Variants in MLLT10 observed in about 807,000 individuals in gnomAD.
MLLT10 encodes the protein protein AF-10.
In MLLT10, 30 loss-of-function variants were observed where a neutral mutation model predicts 129.1. That is an observed-to-expected ratio of 0.23 (90% CI 0.17 to 0.32). The LOEUF is 0.32. Among genes scored for constraint, MLLT10 ranks in the 10% least tolerant of loss-of-function variants. The probability of loss-of-function intolerance (pLI) is 1.00; values close to 1 mark genes in which losing one functional copy is unlikely to be tolerated. For synonymous variants in MLLT10, 490 were observed against 446.4 expected (o/e 1.10, Z -1.23); for missense variants, 1,119 against 1,268.3 (o/e 0.88, Z 1.79).
At chr10:21,717,653 T>C (rs1313208759) in intron 14 of MLLT10, among the ~76,000 whole-genome samples, 62 of 56,096 alleles carry the variant, frequency 1.1e-3, no homozygotes, top group Admixed American at 1.6e-3. Context: ...CCTCCTCCTC[T>C]TCCTCCTCCT....
chr10:21,619,063 C>CACACAG (rs1482038692), intron 8 of MLLT10, among the ~76,000 whole-genome samples: 1 of 150,196 alleles, frequency 6.7e-6, no homozygotes, highest in Non-Finnish European at 1.5e-5. Context: ...CACACACACA[C>CACACAG]ACACACTTTT....
Position 21,733,893 on chromosome 10 carries a change from A to C in MLLT10, c.2622A>C (p.Thr874=). ...GAGTTCAGCAGGTCAATGGCGTGACAGTGGGGGCACTAGCTAGTGGAATGC... is the reference window on the plus strand; with the variant it reads ...GAGTTCAGCAGGTCAATGGCGTGACCGTGGGGGCACTAGCTAGTGGAATGC... ...VSGVQQVNGV[T]VGALASGMQP... is the part of the protein sequence containing the mutation. Residue 874 remains threonine (T), a synonymous_variant, in exon 20 of 23, where the codon ACA becomes ACC. Coordinates refer to ENST00000307729, the MANE Select transcript of MLLT10 (RefSeq NM_001195626.3). The C allele has an allele frequency of 6.2e-7, 1 of 1,614,184 alleles. No individual in the cohort carries two copies. Among genetic ancestry groups the C allele is most frequent in the Admixed American group, 1.7e-5 (1 of 60,028 alleles).
intron 3 of MLLT10, among the ~76,000 whole-genome samples, chr10:21,577,778 A>G (rs1266592525): frequency 6.6e-6 from 1 of 151,236 alleles, no homozygotes; most frequent in Non-Finnish European, 1.5e-5. Context: ...GCCTATATGA[A>G]GGTTTTAATT....
intron 16 of MLLT10, among the ~76,000 whole-genome samples, chr10:21,728,409 G>T (rs537545772): frequency 6.6e-6 from 1 of 152,086 alleles, no homozygotes; most frequent in Non-Finnish European, 1.5e-5. Context: ...CAAGTTTTTT[G>T]AAATCATTTT....
intron 3 of MLLT10, among the ~76,000 whole-genome samples, chr10:21,584,295 C>T (rs1436386761): frequency 2.0e-5 from 3 of 151,936 alleles, no homozygotes; most frequent in Admixed American, 6.6e-5. Flanking sequence ...TCCCAAGTAG[C>T]TGGGACTACA....
rs148660819 is a variant in MLLT10 at position 21,603,667 on chromosome 10, C to CT, written c.405+8229dup. 3.8e-3 allele frequency among the ~76,000 whole-genome samples: 581 copies of CT among 152,212 alleles called. 5 individuals carry two copies. The highest frequency in any genetic ancestry group is 0.013 in the African/African-American group (548 of 41,526). On this transcript the variant is annotated intron_variant, in intron 5 of 22. Transcript: ENST00000307729. ...TAACAAAATATCACAAACTGGGTGA[C>CT]TTGAAGCAGCAGAAATTTCTTCTTA...
At chr10:21,720,475 T>C (rs1390244376) in intron 14 of MLLT10, among the ~76,000 whole-genome samples, 2 of 152,252 alleles carry the variant, frequency 1.3e-5, no homozygotes, top group African/African-American at 2.4e-5. Flanking sequence ...ATGTGAACCT[T>C]TCAATTGTTC....
intron 3 of MLLT10, among the ~76,000 whole-genome samples, chr10:21,542,276 A>C (rs890291251): frequency 2.0e-5 from 3 of 152,124 alleles, no homozygotes; most frequent in Admixed American, 6.5e-5. Context: ...TTAACTTAAA[A>C]GGTGTATTAG....
rs574627508 is a variant in MLLT10, at chr10:21,671,955, A to AAAAC, written c.1051+1263_1051+1266dup. On this transcript the variant is annotated intron_variant, in intron 10 of 22. Transcript: ENST00000307729. ...GCGACAGAACAAGACCCTGCCTCAAAAAACAAACAAACAAAAAACCAAAAA... is the reference window on the plus strand; with the variant it reads ...GCGACAGAACAAGACCCTGCCTCAAAAAACAAACAAACAAACAAAAAACCAAAAA... Among the ~76,000 whole-genome samples the AAAAC allele has an allele frequency of 2.6e-5, 4 of 152,314 alleles. No individual in the cohort carries two copies. In the East Asian group the frequency reaches 7.7e-4, roughly 29 times the overall value.
At chr10:21,698,757 A>G (rs746377591) in intron 13 of MLLT10, among the ~76,000 whole-genome samples, 77 of 152,326 alleles carry the variant, frequency 5.1e-4, no homozygotes, top group Admixed American at 1.6e-3. Flanking sequence ...CTTTCTAATC[A>G]TAGCCATTCT....
chr10:21,740,211 G>A lies in MLLT10; in HGVS notation c.3137G>A (p.Gly1046Glu). 1 of 1,614,108 alleles carries A rather than the reference G, an allele frequency of 6.2e-7. No individual in the cohort carries two copies. The highest frequency in any genetic ancestry group is 8.5e-7 in the Non-Finnish European group (1 of 1,180,020). The change falls in exon 22 of 23, where the codon GGA (glycine) becomes GAA (glutamate). Residue 1046 changes from glycine to glutamate, a missense_variant. By Grantham distance (98) the Gly-to-Glu change is moderately conservative. Transcript: ENST00000307729. ...ATTNPFLTIH[G>E]DNASQKVARL... ...ACCAACCCATTTCTCACCATCCATGGAGATAATGCAAGTCAGAAAGTAGCA... is the reference window on the plus strand; with the variant it reads ...ACCAACCCATTTCTCACCATCCATGAAGATAATGCAAGTCAGAAAGTAGCA...
intron 13 of MLLT10, among the ~76,000 whole-genome samples, chr10:21,711,934 G>A (rs1216409387): frequency 6.6e-6 from 1 of 152,020 alleles, no homozygotes; most frequent in Non-Finnish European, 1.5e-5. Flanking sequence ...TTTTTTCTAC[G>A]CAACTTCTTG....
At chr10:21,625,337 G>T in intron 8 of MLLT10, 1 of 766,304 alleles carries the variant, frequency 1.3e-6, no homozygotes, top group Non-Finnish European at 2.3e-6. Flanking sequence ...ATGAACAAAT[G>T]CATAATCTTT....
intron 3 of MLLT10, among the ~76,000 whole-genome samples, chr10:21,568,870 G>T (rs1291975624): frequency 5.3e-5 from 8 of 152,164 alleles, no homozygotes; most frequent in Admixed American, 1.3e-4. Context: ...TCCTGACCTT[G>T]TGATACACCT....
chr10:21,588,078 T>A (rs1323580717), intron 4 of MLLT10, among the ~76,000 whole-genome samples: 3 of 152,200 alleles, frequency 2.0e-5, no homozygotes, highest in Non-Finnish European at 4.4e-5. Flanking sequence ...TTTCTTCGAT[T>A]TTCTTTTTTT....
chr10:21,735,055 T>C (rs895115936), intron 20 of MLLT10, 84 bp from the exon 21 acceptor site: 3 of 953,946 alleles, frequency 3.1e-6, no homozygotes, highest in African/African-American at 1.6e-5. Context: ...AAACATCAAA[T>C]TGAAAAGTTG....
chr10:21,676,477 T>C (rs1306682063), intron 11 of MLLT10, among the ~76,000 whole-genome samples: 2 of 150,198 alleles, frequency 1.3e-5, no homozygotes, highest in South Asian at 2.1e-4. Flanking sequence ...TCCCAGTACT[T>C]TGGGAGGCCG....
rs1833896572 is a variant in MLLT10 at position 21,743,261 on chromosome 10, T to A, written c.*1278T>A. On this transcript the variant is annotated 3_prime_UTR_variant, in exon 23 of 23. Coordinates refer to ENST00000307729, the MANE Select transcript of MLLT10 (RefSeq NM_001195626.3). ...ACATGTTAATTCTGCAATATGTTTCTTGGTTAAACATTGCACAGTTCTTAC... is the reference window on the plus strand; with the variant it reads ...ACATGTTAATTCTGCAATATGTTTCATGGTTAAACATTGCACAGTTCTTAC... The A allele has an allele frequency of 4.4e-6, 1 of 227,796 alleles. No homozygotes were observed. Among genetic ancestry groups the A allele is most frequent in the Non-Finnish European group, 8.7e-6 (1 of 114,484 alleles). 14.1% of individuals were successfully genotyped at this position (227,796 alleles called of 1,614,324 possible).
At chr10:21,538,789 G>T in intron 2 of MLLT10, 44 bp from the exon 3 acceptor site, 1 of 1,453,394 alleles carries the variant, frequency 6.9e-7, no homozygotes, top group Non-Finnish European at 9.6e-7. Context: ...TTTTTCCATA[G>T]TTCTTCGAAT....
Sources: gnomAD v4.1 joint callset for allele counts (sites outside exome capture counted in the v4.1 genomes callset) on GRCh38, gnomAD v4.1.1 for gene constraint, MANE v1.5 for transcripts, NCBI Gene and HGNC (gene_info 2026-07-23, HGNC 2026-07-21) for gene names.